PLCXD3: variants seen among roughly 807,000 people sequenced by gnomAD.
PLCXD3 encodes PI-PLC X domain-containing protein 3.
PLCXD3 carries 19 observed loss-of-function variants against 25.5 expected under a neutral mutation model. The observed-to-expected ratio is 0.75, with a 90% CI of 0.52 to 1.09. The LOEUF (loss-of-function observed/expected upper bound fraction) is 1.09. PLCXD3 is among the 50% of genes least tolerant of loss of function. The probability of loss-of-function intolerance (pLI) is 0.00; values close to 1 mark genes in which losing one functional copy is unlikely to be tolerated. For synonymous variants in PLCXD3, 174 were observed against 137.6 expected (o/e 1.26, Z -1.85); for missense variants, 411 against 388.1 (o/e 1.06, Z -0.50).
At position 41,510,420 on chromosome 5, in the gene PLCXD3, C is replaced by T. The variant is rs1739026678; in HGVS notation, c.103+4G>A. 6.2e-7 allele frequency: 1 copy of T among 1,606,064 alleles called. No individual in the cohort carries two copies. Among genetic ancestry groups the T allele is most frequent in the Non-Finnish European group, 8.5e-7 (1 of 1,176,332 alleles). On this transcript the variant is annotated splice_donor_region_variant and intron_variant, in intron 1 of 2. Coordinates refer to ENST00000377801, the MANE Select transcript of PLCXD3 (RefSeq NM_001005473.3). ...CGCCTAGCCCGCAGCCCCTGCGCGCCTACCTGGAATGGCTAAATTGGTGAG... is the reference window on the plus strand; with the variant it reads ...CGCCTAGCCCGCAGCCCCTGCGCGCTTACCTGGAATGGCTAAATTGGTGAG...
Position 41,311,090 on chromosome 5 carries a change from G to A in PLCXD3, c.*2527C>T, listed in dbSNP as rs1743126876. The A allele has an allele frequency of 6.6e-6, 1 of 152,010 alleles. No individual in the cohort carries two copies. The highest frequency in any genetic ancestry group is 2.4e-5 in the African/African-American group (1 of 41,398). 9.4% of individuals were successfully genotyped at this position (152,010 alleles called of 1,614,324 possible). On this transcript the variant is annotated 3_prime_UTR_variant, in exon 3 of 3. Transcript: ENST00000377801. ...TTATTCATGATATGATGAAAAATCT[G>A]TTTTCCATTATATTTATAAAATTAA... is the stretch of plus-strand genomic sequence containing the variant.
At chr5:41,384,579 G>A (rs1285200202) in intron 1 of PLCXD3, among the ~76,000 whole-genome samples, 2 of 151,944 alleles carry the variant, frequency 1.3e-5, no homozygotes, top group African/African-American at 2.4e-5. Context: ...CAGGCAAAAA[G>A]GGAATTAAGT....
chr5:41,507,810 T>C (rs1353728648), intron 1 of PLCXD3, among the ~76,000 whole-genome samples: 3 of 152,230 alleles, frequency 2.0e-5, no homozygotes, highest in Non-Finnish European at 4.4e-5. Context: ...ATTTGAGCTG[T>C]AGCAACTGGC....
intron 1 of PLCXD3, among the ~76,000 whole-genome samples, chr5:41,506,148 G>T (rs558644895): frequency 6.6e-6 from 1 of 152,252 alleles, no homozygotes; most frequent in South Asian, 2.1e-4. Flanking sequence ...TGATGATGTT[G>T]GTCCCTGAAC....
intron 1 of PLCXD3, among the ~76,000 whole-genome samples, chr5:41,435,187 A>G (rs1473003184): frequency 6.6e-6 from 1 of 152,206 alleles, no homozygotes; most frequent in East Asian, 1.9e-4. Context: ...CTTGTTCAAT[A>G]TGCCCTGGGC....
chr5:41,321,692 T>A (rs1292479624), intron 2 of PLCXD3, among the ~76,000 whole-genome samples: 1 of 152,130 alleles, frequency 6.6e-6, no homozygotes, highest in Non-Finnish European at 1.5e-5. Flanking sequence ...AGAGAAATAC[T>A]AACTAACACA....
intron 2 of PLCXD3, among the ~76,000 whole-genome samples, chr5:41,356,383 T>C (rs1744618055): frequency 6.6e-6 from 1 of 152,208 alleles, no homozygotes; most frequent in Admixed American, 6.5e-5. Context: ...TGGGGATGGT[T>C]ACAGGATAAT....
intron 1 of PLCXD3, among the ~76,000 whole-genome samples, chr5:41,414,475 C>T (rs893792473): frequency 5.3e-5 from 8 of 152,164 alleles, no homozygotes; most frequent in African/African-American, 1.7e-4. Context: ...AAAGACACTT[C>T]TACTGTGGTC....
At chr5:41,475,233 C>T (rs1232228477) in intron 1 of PLCXD3, among the ~76,000 whole-genome samples, 1 of 152,190 alleles carries the variant, frequency 6.6e-6, no homozygotes, top group African/African-American at 2.4e-5. Context: ...TGACCAGTAC[C>T]TTTTTAGAGC....
intron 1 of PLCXD3, among the ~76,000 whole-genome samples, chr5:41,412,194 G>T (rs1305476862): frequency 6.6e-6 from 1 of 151,746 alleles, no homozygotes; most frequent in Non-Finnish European, 1.5e-5. Context: ...ACTCATGTTT[G>T]GTCTCTTTAG....
chr5:41,307,985 T>C lies in PLCXD3; in HGVS notation c.*5632A>G, dbSNP rs1390478453. 9.2e-5 allele frequency: 14 copies of C among 152,180 alleles called. No individual in the cohort carries two copies. In the East Asian group the frequency reaches 9.6e-4, roughly 10 times the overall value. 9.4% of individuals were successfully genotyped at this position (152,180 alleles called of 1,614,324 possible). Reference sequence around the variant, plus strand: ...CACAACAGGCTGGCAAAGGGAAGTGTTGAACATGGTGGCATTGATCCTATG... The same window carrying C: ...CACAACAGGCTGGCAAAGGGAAGTGCTGAACATGGTGGCATTGATCCTATG... On this transcript the variant is annotated 3_prime_UTR_variant, in exon 3 of 3. Transcript: ENST00000377801.
intron 2 of PLCXD3, among the ~76,000 whole-genome samples, chr5:41,335,922 G>A (rs1743965578): frequency 6.6e-6 from 1 of 152,054 alleles, no homozygotes; most frequent in African/African-American, 2.4e-5. Context: ...CTCTTTATTG[G>A]CACACATTCC....
chr5:41,333,112 A>T (rs1420645845), intron 2 of PLCXD3, among the ~76,000 whole-genome samples: 1 of 151,538 alleles, frequency 6.6e-6, no homozygotes, highest in African/African-American at 2.4e-5. Flanking sequence ...AAATAATATA[A>T]AATAAAAGAC....
chr5:41,434,118 G>T (rs952118941), intron 1 of PLCXD3, among the ~76,000 whole-genome samples: 4 of 152,166 alleles, frequency 2.6e-5, no homozygotes, highest in African/African-American at 7.2e-5. Flanking sequence ...GATCCTGGGG[G>T]CTATTTGCCA....
chr5:41,459,511 T>C lies in PLCXD3; in HGVS notation c.103+50913A>G, dbSNP rs143503198. ...TAATTTTTAAAGATTTGTACATTCA[T>C]GTGACATGTCAAACTAGCATCACAC... On this transcript the variant is annotated intron_variant, in intron 1 of 2. Transcript: ENST00000377801. Among the ~76,000 whole-genome samples, 171 of 152,012 alleles carry C rather than the reference T, an allele frequency of 1.1e-3. 1 individual carries two copies. The Middle Eastern group carries it at 0.034, about 30-fold the overall frequency.
chr5:41,393,410 A>C (rs1745896422), intron 1 of PLCXD3, among the ~76,000 whole-genome samples: 1 of 152,204 alleles, frequency 6.6e-6, no homozygotes, highest in Non-Finnish European at 1.5e-5. Flanking sequence ...AAGTGGCATA[A>C]CATATTTAAA....
chr5:41,451,261 G>T lies in PLCXD3; in HGVS notation c.103+59163C>A, dbSNP rs547438726. On this transcript the variant is annotated intron_variant, in intron 1 of 2. Transcript: ENST00000377801. ...ATTTGTCTTTTCTTTTTTGACTCCTGAAGTACAAAAGTAGAATGTTTTATA... is the reference window on the plus strand; with the variant it reads ...ATTTGTCTTTTCTTTTTTGACTCCTTAAGTACAAAAGTAGAATGTTTTATA... 2.0e-5 allele frequency among the ~76,000 whole-genome samples: 3 copies of T among 152,080 alleles called. No individual in the cohort carries two copies. In the East Asian group the frequency reaches 5.8e-4, roughly 29 times the overall value.
chr5:41,495,366 G>A (rs956818603), intron 1 of PLCXD3, among the ~76,000 whole-genome samples: 6 of 152,190 alleles, frequency 3.9e-5, no homozygotes, highest in Non-Finnish European at 7.3e-5. Context: ...CCCTCCAGAG[G>A]GCCTGAGGTA....
rs5867553 is a variant in PLCXD3, at chr5:41,410,141, CTT to C, written c.104-27609_104-27608del. On this transcript the variant is annotated intron_variant, in intron 1 of 2. Transcript: ENST00000377801. ...CTAAAGCCCCCCTCCTTTTATTTATCTTTTTTTTTTTTTTTTGAGACGGAGTC... is the reference window on the plus strand; with the variant it reads ...CTAAAGCCCCCCTCCTTTTATTTATCTTTTTTTTTTTTTTGAGACGGAGTC... 9.3e-3 allele frequency among the ~76,000 whole-genome samples: 1,129 copies of C among 121,406 alleles called. 15 individuals carry two copies. Among genetic ancestry groups the C allele is most frequent in the African/African-American group, 0.029 (944 of 32,780 alleles). The allele number at this position is 121,406 out of a possible 152,430, so 79.6% of individuals were successfully genotyped here. A position where few individuals can be genotyped will look rare whatever the true frequency, so the allele number is the denominator to read the frequency against.
Sources: gnomAD v4.1 joint callset for allele counts (sites outside exome capture counted in the v4.1 genomes callset) on GRCh38, gnomAD v4.1.1 for gene constraint, MANE v1.5 for transcripts, NCBI Gene and HGNC (gene_info 2026-07-23, HGNC 2026-07-21) for gene names.